The following HSF2BP variants were observed in gnomAD, a reference collection of about 807,000 sequenced individuals.
HSF2BP encodes heat shock transcription factor 2 binding protein.
Under a neutral mutation model 35.0 loss-of-function variants are expected in HSF2BP, and 35 were observed. That is an observed-to-expected ratio of 1.00 (90% CI 0.76 to 1.32). HSF2BP has a LOEUF of 1.32. HSF2BP is among the 40% of genes most tolerant of loss of function. HSF2BP has a pLI of 0.00. For synonymous variants in HSF2BP, 114 were observed against 117.4 expected, an observed-to-expected ratio of 0.97 and a Z score of 0.18; for missense variants, 326 against 321.7, an observed-to-expected ratio of 1.01 and a Z score of -0.10.
At chr21:43,657,851 G>A in intron 2 of HSF2BP, 2 of 985,458 alleles carry the variant, frequency 2.0e-6, no homozygotes, top group Non-Finnish European at 2.4e-6. Context: ...TCACAGACCG[G>A]GTCCCCGCGT....
intron 7 of HSF2BP, among the ~76,000 whole-genome samples, chr21:43,605,721 C>T (rs2082126845): frequency 7.7e-6 from 1 of 130,376 alleles, no homozygotes; most frequent in Non-Finnish European, 1.6e-5. Flanking sequence ...CACAGTCACA[C>T]ACATCACATG....
chr21:43,603,787 T>G (rs2082079780), intron 7 of HSF2BP, among the ~76,000 whole-genome samples: 2 of 151,942 alleles, frequency 1.3e-5, no homozygotes, highest in Non-Finnish European at 2.9e-5. Flanking sequence ...GCAGATAAAC[T>G]AGGAACAGCC....
At chr21:43,630,713 T>C (rs1426637516) in intron 5 of HSF2BP, among the ~76,000 whole-genome samples, 1 of 152,080 alleles carries the variant, frequency 6.6e-6, no homozygotes, top group African/African-American at 2.4e-5. Context: ...TGAAAGTAAA[T>C]GGGAAGAATT....
rs747588451 is a variant in HSF2BP, at chr21:43,580,089, T to A, written c.796+12136A>T. On this transcript the variant is annotated intron_variant, in intron 8 of 8. Coordinates refer to ENST00000291560, the MANE Select transcript of HSF2BP (RefSeq NM_007031.2). ...AGGCCTCTCGGCCAGCCTCCCCGTG[T>A]CATGTTCCCTACACTGCCAGTCTTT... Among the ~76,000 whole-genome samples the A allele has an allele frequency of 5.6e-4, 85 of 152,140 alleles. 1 individual carries two copies. Among genetic ancestry groups the A allele is most frequent in the Admixed American group, 1.0e-3 (16 of 15,288 alleles).
chr21:43,648,759 C>G (rs1213440587), intron 3 of HSF2BP, among the ~76,000 whole-genome samples: 2 of 152,160 alleles, frequency 1.3e-5, no homozygotes, highest in Non-Finnish European at 2.9e-5. Flanking sequence ...AATGGGGGTA[C>G]CCCGTATCAA....
chr21:43,639,426 A>T (rs1216159408), intron 4 of HSF2BP, among the ~76,000 whole-genome samples: 2 of 152,242 alleles, frequency 1.3e-5, no homozygotes, highest in Non-Finnish European at 2.9e-5. Flanking sequence ...TATCTAGAAT[A>T]TATCAAGAGC....
chr21:43,620,984 G>A (rs904882521), intron 6 of HSF2BP, among the ~76,000 whole-genome samples: 3 of 152,102 alleles, frequency 2.0e-5, no homozygotes, highest in Non-Finnish European at 2.9e-5. Flanking sequence ...ACAAGGTGAT[G>A]AGCAACAATA....
At chr21:43,611,266 A>T (rs1440638723) in intron 7 of HSF2BP, among the ~76,000 whole-genome samples, 1 of 152,144 alleles carries the variant, frequency 6.6e-6, no homozygotes, top group Non-Finnish European at 1.5e-5. Context: ...TTTTTTTTGC[A>T]TATATGTTAC....
chr21:43,578,482 A>G (rs1035176144), intron 8 of HSF2BP, among the ~76,000 whole-genome samples: 5 of 152,142 alleles, frequency 3.3e-5, no homozygotes, highest in African/African-American at 1.2e-4. Context: ...AAATGAAGAA[A>G]GGGAAAAAGG....
intron 6 of HSF2BP, among the ~76,000 whole-genome samples, chr21:43,620,994 A>G (rs2082325207): frequency 1.3e-5 from 2 of 152,200 alleles, no homozygotes; most frequent in Admixed American, 6.5e-5. Flanking sequence ...GAGCAACAAT[A>G]AGGGGTAGAA....
intron 2 of HSF2BP, among the ~76,000 whole-genome samples, chr21:43,657,199 C>T (rs1207711415): frequency 6.6e-6 from 1 of 152,158 alleles, no homozygotes; most frequent in Non-Finnish European, 1.5e-5. Context: ...GGTGAAACTC[C>T]ATCTCACTAA....
intron 7 of HSF2BP, among the ~76,000 whole-genome samples, 181 bp downstream of exon 7, chr21:43,613,649 A>C (rs544802333): frequency 6.6e-6 from 1 of 152,252 alleles, no homozygotes; most frequent in South Asian, 2.1e-4. Flanking sequence ...TCCTTCCTTA[A>C]ATTTATTTTC....
In HSF2BP at chr21:43,582,052, G is replaced by GGATGAGGGCCTGCTGTGGGA. The variant is rs1555855677; in HGVS notation, c.796+10153_796+10172dup. ...GCCTGCTGAGGGGCCCTGTTGTGGG[G>GGATGAGGGCCTGCTGTGGGA]GATGAGGGCCTGCTGTGGGAGATGA... is the stretch of plus-strand genomic sequence containing the variant. On this transcript the variant is annotated intron_variant, in intron 8 of 8. Coordinates refer to ENST00000291560, the MANE Select transcript of HSF2BP (RefSeq NM_007031.2). Among the ~76,000 whole-genome samples, 7 of 68,612 alleles carry GGATGAGGGCCTGCTGTGGGA rather than the reference G, an allele frequency of 1.0e-4. 1 individual carries two copies. The highest frequency in any genetic ancestry group is 1.5e-4 in the Non-Finnish European group (5 of 34,308). The allele number at this position is 68,612 out of a possible 152,430, so 45.0% of individuals were successfully genotyped here.
chr21:43,600,752 G>C (rs960561999), intron 7 of HSF2BP, among the ~76,000 whole-genome samples: 14 of 152,170 alleles, frequency 9.2e-5, no homozygotes, highest in Non-Finnish European at 1.9e-4. Flanking sequence ...CCACCTCCCT[G>C]GTTAAGAAAG....
chr21:43,451,329 CA>C, the HSF2BP span: 1 of 17,560 alleles, frequency 5.7e-5, no homozygotes, highest in East Asian at 4.1e-3. Context: ...AGGGACCCAG[CA>C]GATGACACGG....
chr21:43,614,035 A>C, intron 6 of HSF2BP, 88 bp from the exon 7 acceptor site: 1 of 918,638 alleles, frequency 1.1e-6, no homozygotes, highest in South Asian at 1.4e-5. Context: ...TTCTCCTAAA[A>C]GACCTAATGA....
chr21:43,632,063 C>CACAT (rs2082471847), intron 5 of HSF2BP, among the ~76,000 whole-genome samples: 2 of 17,402 alleles, frequency 1.1e-4, no homozygotes, highest in African/African-American at 3.6e-4. Context: ...CCCCCACACA[C>CACAT]GCTCCCACAT....
intron 8 of HSF2BP, among the ~76,000 whole-genome samples, chr21:43,585,280 A>T (rs2081834390): frequency 6.6e-6 from 1 of 152,192 alleles, no homozygotes; most frequent in Admixed American, 6.5e-5. Context: ...ACTACAGTCC[A>T]GCCTAGGTGA....
Position 43,657,930 on chromosome 21 carries a change from G to A in HSF2BP, c.36+131C>T. 7 of 1,493,522 alleles carry A rather than the reference G, an allele frequency of 4.7e-6. No homozygotes were observed. In the South Asian group the frequency reaches 5.1e-5, roughly 11 times the overall value. 92.5% of individuals were successfully genotyped at this position (1,493,522 alleles called of 1,614,324 possible). A position where few individuals can be genotyped will look rare whatever the true frequency, so the allele number is the denominator to read the frequency against. ...GCTCCGGCCCAGCCCACGCCGTTAG[G>A]GGAGGAAGTCTCCAGGCTTCCCCCA... On this transcript the variant is annotated intron_variant, in intron 2 of 8. Transcript: ENST00000291560.
Sources: allele counts gnomAD v4.1 joint callset (sites outside exome capture counted in the v4.1 genomes callset), GRCh38; gene constraint gnomAD v4.1.1; transcripts MANE v1.5; gene names NCBI Gene and HGNC (gene_info 2026-07-23, HGNC 2026-07-21).